Variants in ENOX1 observed in about 807,000 individuals in gnomAD.
ENOX1 encodes candidate growth-related and time keeping constitutive hydroquinone (NADH) oxidase.
In ENOX1, 42 loss-of-function variants were observed where a neutral mutation model predicts 82.5. The ratio of observed to expected loss-of-function variants is 0.51; its 90% CI spans 0.40 to 0.66. The LOEUF (loss-of-function observed/expected upper bound fraction) is 0.66. Ranked by LOEUF, ENOX1 falls within the 30% of genes least tolerant of loss-of-function variation. The probability of loss-of-function intolerance (pLI) is 0.00; values close to 1 mark genes in which losing one functional copy is unlikely to be tolerated. For missense variants in ENOX1, 608 were observed against 811.6 expected, an observed-to-expected ratio of 0.75 and a Z score of 3.05; for synonymous variants, 271 against 282.2, an observed-to-expected ratio of 0.96 and a Z score of 0.40.
intron 15 of ENOX1, among the ~76,000 whole-genome samples, chr13:43,229,621 A>T (rs2042186838): frequency 6.6e-6 from 1 of 152,214 alleles, no homozygotes; most frequent in African/African-American, 2.4e-5. Flanking sequence ...ATTATGTTTT[A>T]AAAACTTCCC....
At chr13:43,257,058 A>G (rs1295490046) in intron 14 of ENOX1, among the ~76,000 whole-genome samples, 1 of 152,214 alleles carries the variant, frequency 6.6e-6, no homozygotes, top group African/African-American at 2.4e-5. Context: ...ACCCAGACAT[A>G]GGAAGTTAGA....
At chr13:43,629,062 G>T (rs1171155620) in intron 2 of ENOX1, among the ~76,000 whole-genome samples, 1 of 152,176 alleles carries the variant, frequency 6.6e-6, no homozygotes, top group African/African-American at 2.4e-5. Flanking sequence ...ACTGCAGCAT[G>T]AATGAGGAGA....
chr13:43,252,805 G>C (rs1696817625), intron 14 of ENOX1, among the ~76,000 whole-genome samples: 1 of 152,174 alleles, frequency 6.6e-6, no homozygotes, highest in South Asian at 2.1e-4. Flanking sequence ...AGGTCAGTAA[G>C]GAGGGAAGGT....
At chr13:43,267,352 T>G (rs2044440755) in intron 13 of ENOX1, among the ~76,000 whole-genome samples, 1 of 152,200 alleles carries the variant, frequency 6.6e-6, no homozygotes, top group Non-Finnish European at 1.5e-5. Context: ...CTAGAAAAGC[T>G]GCATCTTCGC....
intron 1 of ENOX1, among the ~76,000 whole-genome samples, chr13:43,706,553 C>A (rs116634997): frequency 0.014 from 2,113 of 151,888 alleles, 48 homozygotes; most frequent in African/African-American, 0.047. Flanking sequence ...TACAGCTTGA[C>A]CATATGGTAT....
At chr13:43,663,376 A>G (rs1394033495) in intron 2 of ENOX1, among the ~76,000 whole-genome samples, 1 of 152,190 alleles carries the variant, frequency 6.6e-6, no homozygotes, top group East Asian at 1.9e-4. Flanking sequence ...CATGGAATAC[A>G]GAAACATGCC....
Position 43,659,604 on chromosome 13 carries a change from A to AC in ENOX1, c.-219+7874dup, listed in dbSNP as rs544008207. Among the ~76,000 whole-genome samples, 90 of 152,186 alleles carry AC rather than the reference A, an allele frequency of 5.9e-4. 4 individuals are homozygous for AC. The highest frequency in any genetic ancestry group is 2.1e-3 in the African/African-American group (86 of 41,512). Reference sequence around the variant, plus strand: ...TATTAGACATTTCCTTAAATGTCTCACGATCCTTGGCTGTCTGAGATATTT... The same window carrying AC: ...TATTAGACATTTCCTTAAATGTCTCACCGATCCTTGGCTGTCTGAGATATTT... On this transcript the variant is annotated intron_variant, in intron 2 of 16. Transcript: ENST00000690772.
rs187305353 is a variant in ENOX1, at chr13:43,331,351, A to T, written c.1037-4826T>A. On this transcript the variant is annotated intron_variant, in intron 9 of 16. Coordinates refer to ENST00000690772, the MANE Select transcript of ENOX1 (RefSeq NM_001347969.2). ...GAGCCTTAATCCAGTTAGTGTCCCA[A>T]ATATCTGGAGAAACTGATTTAGTCC... Among the ~76,000 whole-genome samples, 423 of 152,354 alleles carry T rather than the reference A, an allele frequency of 2.8e-3. 2 individuals are homozygous for T. The highest frequency in any genetic ancestry group is 8.9e-3 in the African/African-American group (369 of 41,580).
chr13:43,595,053 T>C (rs1184493357), intron 2 of ENOX1, among the ~76,000 whole-genome samples: 1 of 148,738 alleles, frequency 6.7e-6, no homozygotes, highest in Non-Finnish European at 1.5e-5. Flanking sequence ...GTGCTGTGGA[T>C]CTCAGATGCC....
At position 43,439,040 on chromosome 13, in the gene ENOX1, T is replaced by A. The variant is rs9594939; in HGVS notation, c.-74-26052A>T. ...CTAAATGAACTTTCCTGTCTTTTAATCTTTTTTTTTTTTTTTTTTTGAGCG... is the reference window on the plus strand; with the variant it reads ...CTAAATGAACTTTCCTGTCTTTTAAACTTTTTTTTTTTTTTTTTTTGAGCG... On this transcript the variant is annotated intron_variant, in intron 3 of 16. Transcript: ENST00000690772. 9.2e-3 allele frequency among the ~76,000 whole-genome samples: 1,264 copies of A among 136,748 alleles called. 7 individuals are homozygous for A. The highest frequency in any genetic ancestry group is 0.012 in the Non-Finnish European group (763 of 62,654). The allele number at this position is 136,748 out of a possible 152,430, so 89.7% of individuals were successfully genotyped here. A position where few individuals can be genotyped will look rare whatever the true frequency, so the allele number is the denominator to read the frequency against.
chr13:43,394,077 T>C (rs1478962494), intron 5 of ENOX1, among the ~76,000 whole-genome samples: 6 of 152,256 alleles, frequency 3.9e-5, no homozygotes, highest in African/African-American at 1.4e-4. Context: ...AAGATGCAGG[T>C]GCTGTGCTTG....
Position 43,213,927 on chromosome 13 carries a change from C to T in ENOX1, c.*63G>A. On this transcript the variant is annotated 3_prime_UTR_variant, in exon 17 of 17. Coordinates refer to ENST00000690772, the MANE Select transcript of ENOX1 (RefSeq NM_001347969.2). ...GACCAACCCCACACCTCCTGCTTCC[C>T]CGTCGCACCGCCCTGGCCAGGTTCA... The T allele has an allele frequency of 6.4e-7, 1 of 1,561,944 alleles. No individual in the cohort carries two copies. The highest frequency in any genetic ancestry group is 8.7e-7 in the Non-Finnish European group (1 of 1,151,046).
At chr13:43,747,762 T>C (rs762234227) in intron 1 of ENOX1, among the ~76,000 whole-genome samples, 4 of 152,218 alleles carry the variant, frequency 2.6e-5, no homozygotes, top group Non-Finnish European at 5.9e-5. Context: ...TTGAAGGATA[T>C]AAGATTCAGC....
intron 8 of ENOX1, among the ~76,000 whole-genome samples, chr13:43,345,403 C>G (rs2049317648): frequency 6.6e-6 from 1 of 152,078 alleles, no homozygotes; most frequent in Admixed American, 6.5e-5. Flanking sequence ...CTGAAGTGTT[C>G]CGTGTTTGCT....
chr13:43,510,700 A>G (rs1466890936), intron 2 of ENOX1, among the ~76,000 whole-genome samples: 1 of 152,128 alleles, frequency 6.6e-6, no homozygotes, highest in African/African-American at 2.4e-5. Flanking sequence ...GGACTTCCTG[A>G]GTTCAAATCC....
At chr13:43,425,797 T>A (rs2055263427) in intron 3 of ENOX1, among the ~76,000 whole-genome samples, 1 of 152,256 alleles carries the variant, frequency 6.6e-6, no homozygotes, top group South Asian at 2.1e-4. Flanking sequence ...AAATTTAGTA[T>A]TCACATGAAA....
intron 3 of ENOX1, among the ~76,000 whole-genome samples, chr13:43,447,043 C>T (rs2056687286): frequency 6.6e-6 from 1 of 152,144 alleles, no homozygotes; most frequent in Non-Finnish European, 1.5e-5. Context: ...CTGATTAATA[C>T]CAAAGAAAGA....
intron 2 of ENOX1, among the ~76,000 whole-genome samples, chr13:43,609,132 T>C (rs1033996940): frequency 1.3e-5 from 2 of 152,232 alleles, no homozygotes; most frequent in African/African-American, 4.8e-5. Flanking sequence ...CTGACATTTT[T>C]CCTGTCTCTG....
At chr13:43,429,991 C>T (rs1371572577) in intron 3 of ENOX1, among the ~76,000 whole-genome samples, 1 of 152,178 alleles carries the variant, frequency 6.6e-6, no homozygotes, top group East Asian at 1.9e-4. Flanking sequence ...TTTATGCTTT[C>T]CACTAGTTTT....
Sources: allele counts gnomAD v4.1 joint callset (sites outside exome capture counted in the v4.1 genomes callset), GRCh38; gene constraint gnomAD v4.1.1; transcripts MANE v1.5; gene names NCBI Gene and HGNC (gene_info 2026-07-23, HGNC 2026-07-21).